The following RS1 variants were observed in gnomAD, a reference collection of about 807,000 sequenced individuals.
The protein encoded by RS1 is retinoschisin 1, also known as retinoschisin.
A neutral mutation model predicts 20.8 loss-of-function variants in RS1; 2 were observed. The ratio of observed to expected loss-of-function variants is 0.10; its 90% confidence interval spans 0.04 to 0.30. RS1 has a LOEUF of 0.30. RS1 is among the 10% of genes least tolerant of loss of function. RS1 has a pLI of 1.00. For missense variants in RS1, 151 were observed against 189.8 expected (o/e 0.80, Z 1.20); for synonymous variants, 70 against 75.8 (o/e 0.92, Z 0.40).
At position 18,641,911 on chromosome X, in the gene RS1, A is replaced by G; in HGVS notation, c.*93T>C. On this transcript the variant is annotated 3_prime_UTR_variant, in exon 6 of 6. Transcript: ENST00000379984. ...TGCAGTTACAATTGCTTTGCGAAAT[A>G]TAGCCCTGTCCATCTCGGTGGTGTG... is the stretch of plus-strand genomic sequence containing the variant. The G allele has an allele frequency of 9.9e-7, 1 of 1,011,484 alleles. No individual in the cohort carries two copies. Among genetic ancestry groups the G allele is most frequent in the Non-Finnish European group, 1.4e-6 (1 of 722,101 alleles). The allele number at this position is 1,011,484 out of a possible 1,213,427, so 83.4% of individuals were successfully genotyped here.
At chrX:18,662,193 G>GGTTT (rs1928323521) in intron 1 of RS1, among the ~76,000 whole-genome samples, 1 of 112,272 alleles carries the variant, frequency 8.9e-6, no homozygotes, top group African/African-American at 3.2e-5. Flanking sequence ...AAATTTCTGT[G>GGTTT]GTTTATAAGC....
intron 5 of RS1, among the ~76,000 whole-genome samples, 156 bp from the exon 6 acceptor site, chrX:18,642,312 T>C (rs1326617245): frequency 1.8e-5 from 2 of 112,032 alleles, no homozygotes; most frequent in African/African-American, 6.5e-5. Flanking sequence ...CCTTGAGTGA[T>C]TGTCATCACA....
intron 3 of RS1, chrX:18,650,153 A>G (rs1459304549): frequency 4.7e-6 from 2 of 427,651 alleles, no homozygotes; most frequent in Non-Finnish European, 8.2e-6. Context: ...CTAACACTCC[A>G]GAGCGGTCTG....
At chrX:18,671,142 T>C (rs1243113038) in intron 1 of RS1, among the ~76,000 whole-genome samples, 1 of 111,727 alleles carries the variant, frequency 9.0e-6, no homozygotes, top group African/African-American at 3.3e-5. Context: ...CTTGTGTGAG[T>C]TTCGCTGTGT....
intron 3 of RS1, among the ~76,000 whole-genome samples, chrX:18,649,261 G>C (rs905121705): frequency 9.0e-6 from 1 of 110,908 alleles, no homozygotes; most frequent in African/African-American, 3.3e-5. Flanking sequence ...TTAGAGACCT[G>C]GTCTCGCTGT....
chrX:18,654,850 C>A (rs1214625808), intron 3 of RS1, among the ~76,000 whole-genome samples: 1 of 111,798 alleles, frequency 8.9e-6, no homozygotes, highest in African/African-American at 3.3e-5. Context: ...CCTACCCTCC[C>A]ACACACACAT....
chrX:18,641,801 G>A lies in RS1; in HGVS notation c.*203C>T. 2.3e-6 allele frequency: 1 copy of A among 430,082 alleles called. No individual in the cohort carries two copies. Among genetic ancestry groups the A allele is most frequent in the Non-Finnish European group, 4.0e-6 (1 of 248,718 alleles). 35.4% of individuals were successfully genotyped at this position (430,082 alleles called of 1,213,427 possible). A position where few individuals can be genotyped will look rare whatever the true frequency, so the allele number is the denominator to read the frequency against. ...ATTTTCTTTGTTCTGACTTTCTCTG[G>A]CCCTGAGTGGGGAATAAGTTCATTT... On this transcript the variant is annotated 3_prime_UTR_variant, in exon 6 of 6. Coordinates refer to ENST00000379984, the MANE Select transcript of RS1 (RefSeq NM_000330.4).
Position 18,641,846 on chromosome X carries a change from A to C in RS1, c.*158T>G, listed in dbSNP as rs1236199465. 4.2e-6 allele frequency: 2 copies of C among 471,556 alleles called. No individual in the cohort carries two copies. Among genetic ancestry groups the C allele is most frequent in the Non-Finnish European group, 7.1e-6 (2 of 282,999 alleles). 38.9% of individuals were successfully genotyped at this position (471,556 alleles called of 1,213,427 possible). On this transcript the variant is annotated 3_prime_UTR_variant, in exon 6 of 6. Coordinates refer to ENST00000379984, the MANE Select transcript of RS1 (RefSeq NM_000330.4). ...TCATTTTTATTTCATTGAAATCAGAAAGCTATATCTTAAAAAAAAAAAAAT... is the reference window on the plus strand; with the variant it reads ...TCATTTTTATTTCATTGAAATCAGACAGCTATATCTTAAAAAAAAAAAAAT...
In RS1 at chrX:18,654,844, C is replaced by T. The variant is rs1326708611; in HGVS notation, c.184+1809G>A. Among the ~76,000 whole-genome samples the T allele has an allele frequency of 4.5e-5, 5 of 111,821 alleles. 1 individual carries two copies. Among genetic ancestry groups the T allele is most frequent in the Admixed American group, 3.8e-4 (4 of 10,491 alleles). ...ACGCAGTAGAAACCATTGTACCCTACCCTCCCACACACACATTGCAATTTG... is the reference window on the plus strand; with the variant it reads ...ACGCAGTAGAAACCATTGTACCCTATCCTCCCACACACACATTGCAATTTG... On this transcript the variant is annotated intron_variant, in intron 3 of 5. Transcript: ENST00000379984.
intron 1 of RS1, among the ~76,000 whole-genome samples, chrX:18,671,788 G>A (rs1928494459): frequency 8.9e-6 from 1 of 111,812 alleles, no homozygotes. Context: ...GACCCATCCT[G>A]TTTTCTGTTG....
chrX:18,653,344 C>T (rs1409589954), intron 3 of RS1: 1 of 1,167,890 alleles, frequency 8.6e-7, no homozygotes, highest in Non-Finnish European at 1.1e-6. Flanking sequence ...GCCTTCTGCT[C>T]CGTGGGGGGC....
At chrX:18,651,735 G>A (rs766322582) in intron 3 of RS1, among the ~76,000 whole-genome samples, 4 of 111,885 alleles carry the variant, frequency 3.6e-5, no homozygotes, top group Non-Finnish European at 5.7e-5. Context: ...GGGGCACTCC[G>A]GCTGGATTTC....
intron 3 of RS1, chrX:18,647,685 A>G (rs977994776): frequency 1.3e-5 from 3 of 229,449 alleles, no homozygotes; most frequent in African/African-American, 8.5e-5. Context: ...GTGAAATACC[A>G]TATTTAAATG....
intron 5 of RS1, among the ~76,000 whole-genome samples, chrX:18,643,649 C>T (rs1338587247): frequency 1.8e-5 from 2 of 111,800 alleles, no homozygotes; most frequent in African/African-American, 3.3e-5. Flanking sequence ...AACCCATGAA[C>T]GTCTTGGCCG....
intron 3 of RS1, among the ~76,000 whole-genome samples, chrX:18,655,089 C>A (rs1363576619): frequency 1.8e-5 from 2 of 112,086 alleles, no homozygotes; most frequent in Non-Finnish European, 3.8e-5. Flanking sequence ...ACTGCCCAAG[C>A]CTCTGAAAAT....
intron 4 of RS1, 27 bp downstream of exon 4, chrX:18,647,164 G>GA (rs766130132): frequency 1.7e-6 from 2 of 1,207,168 alleles, no homozygotes; most frequent in South Asian, 1.8e-5. Context: ...AAAAGCACAT[G>GA]AAAAAAAATC....
At chrX:18,653,691 AGGTGCAGTGGC>A (rs1254544306) in intron 3 of RS1, 87 of 830,833 alleles carry the variant, frequency 1.0e-4, no homozygotes, top group Non-Finnish European at 7.0e-5. Context: ...AACCAGGGCC[AGGTGCAGTGGC>A]TCACGCCTGT....
At chrX:18,669,487 C>CAAAAAAAAAAAAAAAAAAAAA (rs386416704) in intron 1 of RS1, among the ~76,000 whole-genome samples, 26 of 58,886 alleles carry the variant, frequency 4.4e-4, no homozygotes, top group African/African-American at 1.0e-3. Flanking sequence ...GTGAAATTCT[C>CAAAAAAAAAAAAAAAAAAAAA]AAAAAAAAAA....
rs759980131 is a variant in RS1, at chrX:18,664,363, C to T, written c.53-6698G>A. Among the ~76,000 whole-genome samples, 22 of 112,547 alleles carry T rather than the reference C, an allele frequency of 2.0e-4. No individual in the cohort carries two copies. In the East Asian group the frequency reaches 6.1e-3, roughly 31 times the overall value. On this transcript the variant is annotated intron_variant, in intron 1 of 5. Transcript: ENST00000379984. ...ACAAAAGGGGCCGGGCGCGGTGGCT[C>T]ACGCCTGTAATCCCAGCACTTTGGG...
Sources: allele counts gnomAD v4.1 joint callset (sites outside exome capture counted in the v4.1 genomes callset), GRCh38; gene constraint gnomAD v4.1.1; transcripts MANE v1.5; gene names NCBI Gene and HGNC (gene_info 2026-07-23, HGNC 2026-07-21).